The following PPARGC1A variants were observed in gnomAD, a reference collection of about 807,000 sequenced individuals.
The protein encoded by PPARGC1A is peroxisome proliferator-activated receptor gamma coactivator 1-alpha.
A neutral mutation model predicts 88.7 loss-of-function variants in PPARGC1A; 25 were observed. The observed-to-expected ratio is 0.28, with a 90% confidence interval of 0.21 to 0.39. The LOEUF is 0.39. PPARGC1A is among the 10% of genes least tolerant of loss of function. The pLI, the probability that PPARGC1A is intolerant of heterozygous loss-of-function variation, is 1.00. For synonymous variants in PPARGC1A, 363 were observed against 355.6 expected, an observed-to-expected ratio of 1.02 and a Z score of -0.24; for missense variants, 880 against 968.7, an observed-to-expected ratio of 0.91 and a Z score of 1.22.
Position 23,813,671 on chromosome 4 carries a change from G to C in PPARGC1A, c.1793+19C>G, listed in dbSNP as rs34074379. The C allele has an allele frequency of 0.017, 25,536 of 1,501,030 alleles. 285 individuals carry two copies. The highest frequency in any genetic ancestry group is 0.02 in the Non-Finnish European group (22,614 of 1,108,368). 93.0% of individuals were successfully genotyped at this position (1,501,030 alleles called of 1,614,324 possible). On this transcript the variant is annotated intron_variant, in intron 8 of 12. Coordinates refer to ENST00000264867, the MANE Select transcript of PPARGC1A (RefSeq NM_013261.5). The stretch of plus-strand genomic sequence containing the variant: ...CTTAGGAACACCTTTTGTGTTATTA[G>C]GGTTTTGCCAAGGTTTACCTTGAAG...
At chr4:24,194,617 C>T in the PPARGC1A span, among the ~76,000 whole-genome samples, 3 of 20,610 alleles carry the variant, frequency 1.5e-4, no homozygotes, top group Admixed American at 9.7e-4. Flanking sequence ...CACACACGCG[C>T]GCGCACGCGC....
At chr4:23,891,566 T>C (rs1029356621), upstream of PPARGC1A, among the ~76,000 whole-genome samples, 3 of 152,220 alleles carry the variant, frequency 2.0e-5, no homozygotes, top group East Asian at 5.8e-4. Flanking sequence ...CTGCTGCTTC[T>C]TTCAGACCAT....
chr4:24,056,959 A>T, the PPARGC1A span, among the ~76,000 whole-genome samples: 4 of 152,234 alleles, frequency 2.6e-5, no homozygotes, highest in Non-Finnish European at 5.9e-5. Flanking sequence ...GTATACATCC[A>T]CAAAGAACTG....
chr4:24,332,658 A>T, the PPARGC1A span, among the ~76,000 whole-genome samples: 1 of 152,240 alleles, frequency 6.6e-6, no homozygotes. Flanking sequence ...AAGTTGTAAA[A>T]CTTACAAGTT....
At chr4:24,300,920 C>T in the PPARGC1A span, among the ~76,000 whole-genome samples, 13 of 152,170 alleles carry the variant, frequency 8.5e-5, no homozygotes, top group South Asian at 2.3e-3. Flanking sequence ...CTGCAAATAT[C>T]TTTTATCTTG....
At chr4:24,131,737 CTCT>C in the PPARGC1A span, among the ~76,000 whole-genome samples, 1 of 152,142 alleles carries the variant, frequency 6.6e-6, no homozygotes, top group Non-Finnish European at 1.5e-5. Flanking sequence ...AACCTTGGTT[CTCT>C]TCTTTTAAAA....
At chr4:24,218,877 TC>T in the PPARGC1A span, among the ~76,000 whole-genome samples, 1 of 152,258 alleles carries the variant, frequency 6.6e-6, no homozygotes, top group Non-Finnish European at 1.5e-5. Context: ...TTGCTTTTTT[TC>T]ATCTCCAGTG....
chr4:24,297,354 T>C, the PPARGC1A span, among the ~76,000 whole-genome samples: 1 of 152,108 alleles, frequency 6.6e-6, no homozygotes, highest in African/African-American at 2.4e-5. Context: ...TCTGAACCAG[T>C]AGGCTGTGAG....
the PPARGC1A span, among the ~76,000 whole-genome samples, chr4:24,054,322 A>C: frequency 2.0e-5 from 3 of 151,966 alleles, no homozygotes; most frequent in Admixed American, 6.6e-5. Context: ...AAAAAAAAAA[A>C]AAAACACTAT....
the PPARGC1A span, among the ~76,000 whole-genome samples, chr4:24,206,007 G>A: frequency 2.6e-5 from 4 of 152,160 alleles, no homozygotes; most frequent in South Asian, 8.3e-4. Flanking sequence ...CCTTTTCATG[G>A]CTGAAGGCAA....
At chr4:24,375,985 C>A in the PPARGC1A span, among the ~76,000 whole-genome samples, 1 of 150,008 alleles carries the variant, frequency 6.7e-6, no homozygotes, top group Non-Finnish European at 1.5e-5. Context: ...TGTCAGAAAT[C>A]ATTTGCGTGG....
chr4:24,220,351 G>A, the PPARGC1A span, among the ~76,000 whole-genome samples: 456 of 152,294 alleles, frequency 3.0e-3, 4 homozygotes, highest in African/African-American at 0.01. Context: ...ATTGCCATTC[G>A]GCCCAGCAAT....
At chr4:23,833,790 G>A (rs530099568) in intron 2 of PPARGC1A, among the ~76,000 whole-genome samples, 115 of 152,290 alleles carry the variant, frequency 7.6e-4, no homozygotes, top group African/African-American at 2.6e-3. Flanking sequence ...TTTAATTGAC[G>A]TTTTTTAATT....
chr4:23,883,590 T>C (rs900835050), intron 2 of PPARGC1A: 2 of 152,182 alleles, frequency 1.3e-5, no homozygotes, highest in African/African-American at 4.8e-5. Context: ...TCTGCATATG[T>C]AAAACAGGAA....
chr4:24,187,736 A>G, the PPARGC1A span, among the ~76,000 whole-genome samples: 1 of 152,210 alleles, frequency 6.6e-6, no homozygotes, highest in Non-Finnish European at 1.5e-5. Context: ...TTTATGCAAC[A>G]TGGGTAAAAA....
rs1168569842 is a variant in PPARGC1A at position 23,795,355 on chromosome 4, T to C, written c.*467A>G. The C allele has an allele frequency of 1.3e-5, 2 of 148,360 alleles. No individual in the cohort carries two copies. The highest frequency in any genetic ancestry group is 2.5e-5 in the African/African-American group (1 of 40,396). The allele number at this position is 148,360 out of a possible 1,614,324, so 9.2% of individuals were successfully genotyped here. On this transcript the variant is annotated 3_prime_UTR_variant, in exon 13 of 13. Transcript: ENST00000264867. ...TTTCCTTTTGAATAGAATACGAACA[T>C]TTTGAAGTTCTAGGTTTTAAGCGTG... is the stretch of plus-strand genomic sequence containing the variant.
At chr4:24,415,911 C>G in the PPARGC1A span, among the ~76,000 whole-genome samples, 1 of 151,878 alleles carries the variant, frequency 6.6e-6, no homozygotes, top group African/African-American at 2.4e-5. Flanking sequence ...AAGATACAAG[C>G]TCCTACCCAT....
In PPARGC1A at chr4:23,884,944, G is replaced by T. The variant is rs200045927; in HGVS notation, c.55-13C>A. Reference sequence around the variant, plus strand: ...CCAGAGCAGCACACTGCAGGAGGCAGAAAAAAAAAATTTAAAAAAGCTTCC... The same window carrying T: ...CCAGAGCAGCACACTGCAGGAGGCATAAAAAAAAAATTTAAAAAAGCTTCC... On this transcript the variant is annotated splice_polypyrimidine_tract_variant and intron_variant, in intron 1 of 12. Transcript: ENST00000264867. 8 of 1,469,406 alleles carry T rather than the reference G, an allele frequency of 5.4e-6. No individual in the cohort carries two copies. The highest frequency in any genetic ancestry group is 7.3e-6 in the Non-Finnish European group (8 of 1,096,498). 91.0% of individuals were successfully genotyped at this position (1,469,406 alleles called of 1,614,324 possible). A position where few individuals can be genotyped will look rare whatever the true frequency, so the allele number is the denominator to read the frequency against.
chr4:23,893,211 T>TC (rs1310666833), upstream of PPARGC1A, among the ~76,000 whole-genome samples: 1 of 151,980 alleles, frequency 6.6e-6, no homozygotes, highest in Non-Finnish European at 1.5e-5. Flanking sequence ...ATAATTCAAT[T>TC]CTCTAACAAA....
Sources: gnomAD v4.1 joint callset for allele counts (sites outside exome capture counted in the v4.1 genomes callset) on GRCh38, gnomAD v4.1.1 for gene constraint, MANE v1.5 for transcripts, NCBI Gene and HGNC (gene_info 2026-07-23, HGNC 2026-07-21) for gene names.